The following MACROD2 variants were observed in gnomAD, a reference collection of about 807,000 sequenced individuals.
MACROD2 encodes the protein ADP-ribose glycohydrolase MACROD2.
A neutral mutation model predicts 70.4 loss-of-function variants in MACROD2; 36 were observed. The ratio of observed to expected loss-of-function variants is 0.51; its 90% CI spans 0.39 to 0.68. The LOEUF is 0.68. MACROD2 is among the 30% of genes least tolerant of loss of function. MACROD2 has a pLI of 0.00. For missense variants in MACROD2, 496 were observed against 538.4 expected, an observed-to-expected ratio of 0.92 and a Z score of 0.78; for synonymous variants, 172 against 178.8, an observed-to-expected ratio of 0.96 and a Z score of 0.30.
intron 8 of MACROD2, among the ~76,000 whole-genome samples, chr20:15,725,960 ATC>A (rs1278407609): frequency 6.6e-6 from 1 of 152,038 alleles, no homozygotes; most frequent in African/African-American, 2.4e-5. Context: ...ATATAGGTAA[ATC>A]TACATAATTT....
At chr20:15,114,334 C>T (rs147665969) in intron 5 of MACROD2, among the ~76,000 whole-genome samples, 148 of 152,266 alleles carry the variant, frequency 9.7e-4, no homozygotes, top group Admixed American at 3.1e-3. Flanking sequence ...GATAGTCACT[C>T]TTGATTAGGT....
chr20:15,888,670 AG>A lies in MACROD2; in HGVS notation c.775+2860del, dbSNP rs2064851478. 8.5e-5 allele frequency among the ~76,000 whole-genome samples: 13 copies of A among 152,224 alleles called. No individual in the cohort carries two copies. In the South Asian group the frequency reaches 2.5e-3, roughly 29 times the overall value. ...TTTTAGTTCCACCAGGTTTCCTGGGAGTTTTGTCACCAGCAGCTGCATGCAG... is the reference window on the plus strand; with the variant it reads ...TTTTAGTTCCACCAGGTTTCCTGGGATTTTGTCACCAGCAGCTGCATGCAG... On this transcript the variant is annotated intron_variant, in intron 10 of 17. Coordinates refer to ENST00000684519, the MANE Select transcript of MACROD2 (RefSeq NM_001351661.2).
chr20:15,512,427 A>C (rs2047512254), intron 8 of MACROD2, among the ~76,000 whole-genome samples: 1 of 152,258 alleles, frequency 6.6e-6, no homozygotes, highest in Non-Finnish European at 1.5e-5. Flanking sequence ...GATGCATTTA[A>C]TAAATTACTA....
intron 3 of MACROD2, among the ~76,000 whole-genome samples, chr20:14,396,759 A>G (rs2083584181): frequency 6.6e-6 from 1 of 151,566 alleles, no homozygotes; most frequent in Admixed American, 6.6e-5. Flanking sequence ...CCCCGTCACT[A>G]CTAAAAATAC....
intron 3 of MACROD2, among the ~76,000 whole-genome samples, chr20:14,274,485 G>A (rs1326598954): frequency 2.0e-5 from 3 of 152,138 alleles, no homozygotes; most frequent in Non-Finnish European, 4.4e-5. Context: ...AGGTATTGAT[G>A]GGATGTATCT....
At chr20:14,639,395 G>GA (rs1555810563) in intron 4 of MACROD2, among the ~76,000 whole-genome samples, 1 of 152,010 alleles carries the variant, frequency 6.6e-6, no homozygotes, top group Non-Finnish European at 1.5e-5. Flanking sequence ...GTTTTGAAAT[G>GA]TTATTATTAT....
At chr20:14,738,179 T>TCACAACTCTGCCATTCACAGTG (rs1258405151) in intron 5 of MACROD2, among the ~76,000 whole-genome samples, 1 of 152,098 alleles carries the variant, frequency 6.6e-6, no homozygotes, top group Admixed American at 6.6e-5. Flanking sequence ...AAAAGTCAGT[T>TCACAACTCTGCCATTCACAGTG]TCCTGAAAGC....
At chr20:15,039,744 G>GGAGACAGCAGATACTTTTA (rs1568544225) in intron 5 of MACROD2, among the ~76,000 whole-genome samples, 3 of 152,112 alleles carry the variant, frequency 2.0e-5, no homozygotes, top group African/African-American at 7.2e-5. Flanking sequence ...AGGTACTTAC[G>GGAGACAGCAGATACTTTTA]GAGACAGCAG....
intron 7 of MACROD2, among the ~76,000 whole-genome samples, chr20:15,453,928 C>A (rs1034120167): frequency 2.0e-5 from 3 of 152,072 alleles, no homozygotes; most frequent in Non-Finnish European, 4.4e-5. Flanking sequence ...GAGATTTGTG[C>A]TGGAGTGTGG....
chr20:14,577,496 G>A lies in MACROD2; in HGVS notation c.301+83988G>A, dbSNP rs115332701. 8.3e-3 allele frequency among the ~76,000 whole-genome samples: 1,257 copies of A among 152,206 alleles called. 16 individuals are homozygous for A. The highest frequency in any genetic ancestry group is 0.028 in the African/African-American group (1,155 of 41,538). ...GTAACTTTTTGGAACTATATAAGAG[G>A]GACTGGATGTGGTGGCTCACGCCTG... On this transcript the variant is annotated intron_variant, in intron 4 of 17. Coordinates refer to ENST00000684519, the MANE Select transcript of MACROD2 (RefSeq NM_001351661.2).
intron 3 of MACROD2, among the ~76,000 whole-genome samples, chr20:14,281,674 T>C (rs907407570): frequency 2.0e-5 from 3 of 152,074 alleles, no homozygotes; most frequent in Non-Finnish European, 4.4e-5. Context: ...CAGTGGCTTA[T>C]GCCTGTAATC....
chr20:15,295,210 A>T (rs964923150), intron 6 of MACROD2, among the ~76,000 whole-genome samples: 2 of 152,204 alleles, frequency 1.3e-5, no homozygotes, highest in African/African-American at 4.8e-5. Context: ...ACCTTCTGCT[A>T]TAATTGTGAG....
Position 14,038,865 on chromosome 20 carries a change from A to G in MACROD2, c.163+36461A>G, listed in dbSNP as rs147313753. On this transcript the variant is annotated intron_variant, in intron 2 of 17. Transcript: ENST00000684519. ...TTTTCTTGTAATTCTGCTTGTTTCC[A>G]TATTTGCACTTAAGATCTGTTGAAC... 7.7e-3 allele frequency among the ~76,000 whole-genome samples: 1,171 copies of G among 152,160 alleles called. 13 individuals carry two copies. The highest frequency in any genetic ancestry group is 0.026 in the African/African-American group (1,088 of 41,526).
At position 14,498,619 on chromosome 20, in the gene MACROD2, A is replaced by G. The variant is rs937733820; in HGVS notation, c.301+5111A>G. Among the ~76,000 whole-genome samples the G allele has an allele frequency of 3.9e-5, 6 of 152,338 alleles. No individual in the cohort carries two copies. In the South Asian group the frequency reaches 8.3e-4, roughly 21 times the overall value. ...GAGTTAAAATGATGCTTTAACATTA[A>G]TAGAATGGGCATTGGATGTCTTCTT... On this transcript the variant is annotated intron_variant, in intron 4 of 17. Transcript: ENST00000684519.
At chr20:14,013,412 A>G (rs2052941768) in intron 2 of MACROD2, among the ~76,000 whole-genome samples, 1 of 151,610 alleles carries the variant, frequency 6.6e-6, no homozygotes, top group African/African-American at 2.4e-5. Context: ...AGCTAGGACT[A>G]CAGGTGCCCG....
intron 7 of MACROD2, among the ~76,000 whole-genome samples, chr20:15,445,368 A>G (rs927995369): frequency 2.0e-5 from 3 of 152,192 alleles, no homozygotes; most frequent in Non-Finnish European, 4.4e-5. Flanking sequence ...AACTTGCTTA[A>G]GCACTTCCAA....
intron 8 of MACROD2, among the ~76,000 whole-genome samples, chr20:15,856,872 T>C (rs182320242): frequency 2.6e-4 from 40 of 152,318 alleles, no homozygotes; most frequent in Middle Eastern, 6.8e-3. Flanking sequence ...GGATGGAAAC[T>C]TTAGGAAGTT....
chr20:14,499,972 A>G (rs989383390), intron 4 of MACROD2, among the ~76,000 whole-genome samples: 3 of 152,172 alleles, frequency 2.0e-5, no homozygotes, highest in Non-Finnish European at 4.4e-5. Flanking sequence ...AGGTTCTTCA[A>G]GCAGGGAAAA....
intron 4 of MACROD2, among the ~76,000 whole-genome samples, chr20:14,528,405 C>T (rs950030763): frequency 6.6e-5 from 10 of 151,504 alleles, no homozygotes; most frequent in South Asian, 6.3e-4. Flanking sequence ...CCACCCGCCT[C>T]GGCCTCCCAA....
Sources: gnomAD v4.1 joint callset for allele counts (sites outside exome capture counted in the v4.1 genomes callset) on GRCh38, gnomAD v4.1.1 for gene constraint, MANE v1.5 for transcripts, NCBI Gene and HGNC (gene_info 2026-07-23, HGNC 2026-07-21) for gene names.